Variants in FREM2 observed in about 807,000 individuals in gnomAD.
FREM2 encodes the protein FRAS1 related extracellular matrix 2.
Under a neutral mutation model 219.9 loss-of-function variants are expected in FREM2, and 119 were observed. The ratio of observed to expected loss-of-function variants is 0.54; its 90% CI spans 0.47 to 0.63. FREM2 has a LOEUF of 0.63. Among genes scored for constraint, FREM2 ranks in the 30% least tolerant of loss-of-function variants. FREM2 has a pLI of 0.00. For synonymous variants in FREM2, 1,562 were observed against 1,522.8 expected (o/e 1.03, Z -0.60); for missense variants, 4,030 against 3,993.6 (o/e 1.01, Z -0.25).
At chr13:38,832,912 G>C (rs9603445) in intron 6 of FREM2, among the ~76,000 whole-genome samples, 3 of 151,874 alleles carry the variant, frequency 2.0e-5, no homozygotes, top group Non-Finnish European at 4.4e-5. Context: ...GGTCATGCAC[G>C]CTTGTAGTCC....
chr13:38,826,310 A>G (rs1298047228), intron 6 of FREM2, among the ~76,000 whole-genome samples: 1 of 152,130 alleles, frequency 6.6e-6, no homozygotes, highest in Non-Finnish European at 1.5e-5. Flanking sequence ...GAACCAAAGA[A>G]GTTGATTTCC....
chr13:38,755,448 T>C (rs1872959113), intron 2 of FREM2, among the ~76,000 whole-genome samples: 1 of 152,148 alleles, frequency 6.6e-6, no homozygotes, highest in Non-Finnish European at 1.5e-5. Flanking sequence ...TGGCCCCTGG[T>C]GTGAAAAAGA....
At chr13:38,756,635 C>CTCG (rs1355076173) in intron 2 of FREM2, among the ~76,000 whole-genome samples, 1 of 148,110 alleles carries the variant, frequency 6.8e-6, no homozygotes, top group Non-Finnish European at 1.5e-5. Context: ...TCAAGCGATT[C>CTCG]TCGTGTCTCA....
At chr13:38,728,246 TGTC>T (rs1189784010) in intron 2 of FREM2, among the ~76,000 whole-genome samples, 2 of 152,238 alleles carry the variant, frequency 1.3e-5, no homozygotes, top group Admixed American at 6.5e-5. Flanking sequence ...GGTCACATGT[TGTC>T]GTTGACAGGA....
At chr13:38,775,978 C>G (rs1347123661) in intron 4 of FREM2, among the ~76,000 whole-genome samples, 1 of 152,146 alleles carries the variant, frequency 6.6e-6, no homozygotes, top group African/African-American at 2.4e-5. Flanking sequence ...ATTTTTGGAC[C>G]TCATGCTATC....
chr13:38,798,452 G>A (rs1874879026), intron 6 of FREM2, among the ~76,000 whole-genome samples: 1 of 152,004 alleles, frequency 6.6e-6, no homozygotes, highest in Admixed American at 6.6e-5. Context: ...TCCTTATTTG[G>A]TTTTGAAATC....
chr13:38,869,374 C>T (rs2137930589), intron 16 of FREM2, among the ~76,000 whole-genome samples: 1 of 152,292 alleles, frequency 6.6e-6, no homozygotes, highest in East Asian at 1.9e-4. Context: ...CTAGCTTCAG[C>T]TATTATTAAA....
At chr13:38,726,808 G>A (rs997723228) in intron 2 of FREM2, among the ~76,000 whole-genome samples, 1 of 152,120 alleles carries the variant, frequency 6.6e-6, no homozygotes, top group African/African-American at 2.4e-5. Flanking sequence ...CTATGATTGT[G>A]GGTGGAGGAA....
intron 2 of FREM2, among the ~76,000 whole-genome samples, chr13:38,756,251 T>G (rs184648014): frequency 3.3e-5 from 5 of 152,350 alleles, no homozygotes; most frequent in Admixed American, 2.6e-4. Flanking sequence ...AATATTGAAT[T>G]AGCAAATACT....
intron 6 of FREM2, 57 bp downstream of exon 6, chr13:38,784,865 A>T: frequency 6.4e-7 from 1 of 1,565,848 alleles, no homozygotes; most frequent in Non-Finnish European, 8.7e-7. Flanking sequence ...ATCAGGAACA[A>T]CTTTCTAGAC....
Position 38,880,896 on chromosome 13 carries a change from G to C in FREM2, c.*109G>C. On this transcript the variant is annotated 3_prime_UTR_variant, in exon 24 of 24. Coordinates refer to ENST00000280481, the MANE Select transcript of FREM2 (RefSeq NM_207361.6). ...GAGAATGGAGGATGGCTGTGATGAA[G>C]CTGCTTAGAGAATATGACTGTACTA... 8.0e-7 allele frequency: 1 copy of C among 1,255,692 alleles called. No homozygotes were observed. Among genetic ancestry groups the C allele is most frequent in the South Asian group, 1.3e-5 (1 of 78,800 alleles). 77.8% of individuals were successfully genotyped at this position (1,255,692 alleles called of 1,614,324 possible). A position where few individuals can be genotyped will look rare whatever the true frequency, so the allele number is the denominator to read the frequency against.
At chr13:38,830,743 T>C (rs1301879361) in intron 6 of FREM2, among the ~76,000 whole-genome samples, 1 of 146,890 alleles carries the variant, frequency 6.8e-6, no homozygotes, top group Non-Finnish European at 1.5e-5. Context: ...TCCTCTTCAA[T>C]GCTGCCAAGC....
At chr13:38,853,850 A>G (rs1234461010) in intron 11 of FREM2, among the ~76,000 whole-genome samples, 1 of 152,206 alleles carries the variant, frequency 6.6e-6, no homozygotes, top group Non-Finnish European at 1.5e-5. Flanking sequence ...TGTCTTTTAA[A>G]TATTGATAAC....
chr13:38,771,619 A>G (rs1229243059), intron 4 of FREM2, among the ~76,000 whole-genome samples: 4 of 152,066 alleles, frequency 2.6e-5, no homozygotes, highest in Non-Finnish European at 5.9e-5. Flanking sequence ...ACCAAATGAA[A>G]CTTTGCCATA....
chr13:38,732,195 C>A (rs557030280), intron 2 of FREM2, among the ~76,000 whole-genome samples: 40 of 152,258 alleles, frequency 2.6e-4, no homozygotes, highest in African/African-American at 9.1e-4. Flanking sequence ...AATGTCATAT[C>A]TTAGTAGTCT....
At chr13:38,794,399 G>A (rs1285408581) in intron 6 of FREM2, among the ~76,000 whole-genome samples, 1 of 152,144 alleles carries the variant, frequency 6.6e-6, no homozygotes, top group Non-Finnish European at 1.5e-5. Flanking sequence ...GACAAGCTAT[G>A]TCATTGTTTA....
intron 2 of FREM2, among the ~76,000 whole-genome samples, chr13:38,747,946 C>T (rs1470783849): frequency 6.6e-6 from 1 of 152,072 alleles, no homozygotes; most frequent in Admixed American, 6.6e-5. Flanking sequence ...CTTTAAATCC[C>T]TTATCAGAGC....
chr13:38,793,702 G>C (rs573704547), intron 6 of FREM2, among the ~76,000 whole-genome samples: 82 of 152,344 alleles, frequency 5.4e-4, no homozygotes, highest in African/African-American at 1.9e-3. Context: ...AGATTGAAGA[G>C]CTCAGGTGGC....
chr13:38,885,368 C>G lies in FREM2; in HGVS notation c.*4581C>G, dbSNP rs1878692033. 6.6e-6 allele frequency: 1 copy of G among 152,132 alleles called. No homozygotes were observed. Among genetic ancestry groups the G allele is most frequent in the Non-Finnish European group, 1.5e-5 (1 of 68,004 alleles). 9.4% of individuals were successfully genotyped at this position (152,132 alleles called of 1,614,324 possible). ...CTTAGACACTCAGTATCTTTCTTCC[C>G]TATCTTTCAAGCACATTTAATTTCT... is the stretch of plus-strand genomic sequence containing the variant. On this transcript the variant is annotated 3_prime_UTR_variant, in exon 24 of 24. Coordinates refer to ENST00000280481, the MANE Select transcript of FREM2 (RefSeq NM_207361.6).
Sources: gnomAD v4.1 joint callset for allele counts (sites outside exome capture counted in the v4.1 genomes callset) on GRCh38, gnomAD v4.1.1 for gene constraint, MANE v1.5 for transcripts, NCBI Gene and HGNC (gene_info 2026-07-23, HGNC 2026-07-21) for gene names.